Variants in PLEKHG3 observed in about 807,000 individuals in gnomAD.
The protein encoded by PLEKHG3 is pleckstrin homology domain-containing family G member 3.
Under a neutral mutation model 94.9 loss-of-function variants are expected in PLEKHG3, and 62 were observed. The observed-to-expected ratio is 0.65, with a 90% CI of 0.53 to 0.81. PLEKHG3 has a LOEUF of 0.81. PLEKHG3 is among the 30% of genes least tolerant of loss of function. The pLI is 0.00. For synonymous variants in PLEKHG3, 614 were observed against 654.0 expected (o/e 0.94, Z 0.93); for missense variants, 1,461 against 1,619.3 (o/e 0.90, Z 1.68).
In PLEKHG3 at chr14:64,734,812, C is replaced by T. The variant is rs534035016; in HGVS notation, c.1345+1911C>T. ...CTCTACTCACTGCAACCTCTGCCTC[C>T]CGGGTTCAAGTGATTCTCCTGCCTC... On this transcript the variant is annotated intron_variant, in intron 12 of 16. Coordinates refer to ENST00000247226, the MANE Select transcript of PLEKHG3 (RefSeq NM_001308147.2). Among the ~76,000 whole-genome samples, 35 of 151,978 alleles carry T rather than the reference C, an allele frequency of 2.3e-4. No homozygotes were observed. In the East Asian group the frequency reaches 6.8e-3, roughly 29 times the overall value.
rs1055031743 is a variant in PLEKHG3 at position 64,715,670 on chromosome 14, TTCTGAAG to T, written c.-40+10970_-40+10976del. 8.4e-6 allele frequency: 2 copies of T among 238,346 alleles called. No homozygotes were observed. The highest frequency in any genetic ancestry group is 1.1e-4 in the Admixed American group (2 of 18,776). 14.8% of individuals were successfully genotyped at this position (238,346 alleles called of 1,614,324 possible). ...TGTGCTGGTGAATGATCTGGCTTTG[TTCTGAAG>T]TCTTCAGTATTTGATTCCTGCAGTT... On this transcript the variant is annotated intron_variant, in intron 1 of 16. Coordinates refer to ENST00000247226, the MANE Select transcript of PLEKHG3 (RefSeq NM_001308147.2). This position sits in a 1 kb window ranked among gnomAD's most constrained non-coding sequence, Gnocchi z 4.4.
At position 64,743,922 on chromosome 14, in the gene PLEKHG3, C is replaced by A; in HGVS notation, c.*219C>A. On this transcript the variant is annotated 3_prime_UTR_variant, in exon 17 of 17. Transcript: ENST00000247226. This position sits in a 1 kb window ranked among gnomAD's most constrained non-coding sequence, Gnocchi z 7.2. ...GACAATTTCCCACTCACCTGTGAGG[C>A]CGGTGTGGCTGCTTCCCTTGTAAAT... The A allele has an allele frequency of 2.1e-6, 1 of 475,468 alleles. No homozygotes were observed. Among genetic ancestry groups the A allele is most frequent in the Non-Finnish European group, 3.7e-6 (1 of 272,368 alleles). The allele number at this position is 475,468 out of a possible 1,614,324, so 29.5% of individuals were successfully genotyped here.
At position 64,727,451 on chromosome 14, in the gene PLEKHG3, C is replaced by A. The variant is rs2081373605; in HGVS notation, c.-39-142C>A. The A allele has an allele frequency of 1.7e-6, 1 of 582,772 alleles. No individual in the cohort carries two copies. The highest frequency in any genetic ancestry group is 2.8e-5 in the East Asian group (1 of 35,832). The allele number at this position is 582,772 out of a possible 1,614,324, so 36.1% of individuals were successfully genotyped here. On this transcript the variant is annotated intron_variant, in intron 1 of 16. Transcript: ENST00000247226. This position sits in a 1 kb window ranked among gnomAD's most constrained non-coding sequence, Gnocchi z 6.0. ...TGTCATCACTGTCTATCCACAGAAC[C>A]TTTTCATCTTCTAAAACTGAACTCT...
Position 64,748,838 on chromosome 14 carries a change from C to A in PLEKHG3, c.*5135C>A, listed in dbSNP as rs1241444595. The A allele has an allele frequency of 1.2e-5, 2 of 170,866 alleles. No homozygotes were observed. The highest frequency in any genetic ancestry group is 2.5e-5 in the Non-Finnish European group (2 of 81,378). The allele number at this position is 170,866 out of a possible 1,614,324, so 10.6% of individuals were successfully genotyped here. ...TGCATTTCCAGTGTCTTCTTCCTTTCCCCTTTCCCTGGCTGCCACCAGGTG... is the reference window on the plus strand; with the variant it reads ...TGCATTTCCAGTGTCTTCTTCCTTTACCCTTTCCCTGGCTGCCACCAGGTG... On this transcript the variant is annotated 3_prime_UTR_variant, in exon 17 of 17. Coordinates refer to ENST00000247226, the MANE Select transcript of PLEKHG3 (RefSeq NM_001308147.2).
rs2081797398 is a variant in PLEKHG3 at position 64,744,687 on chromosome 14, G to GT, written c.*989dup. ...AGGGAGGTGGTGAGGTGGATAGACT[G>GT]TTTTTCTCATAAGCAGATGCTCCCA... On this transcript the variant is annotated 3_prime_UTR_variant, in exon 17 of 17. Coordinates refer to ENST00000247226, the MANE Select transcript of PLEKHG3 (RefSeq NM_001308147.2). The GT allele has an allele frequency of 6.6e-6, 1 of 151,406 alleles. No homozygotes were observed. Among genetic ancestry groups the GT allele is most frequent in the South Asian group, 2.1e-4 (1 of 4,808 alleles). 9.4% of individuals were successfully genotyped at this position (151,406 alleles called of 1,614,324 possible).
At chr14:64,734,425 T>A (rs988066436) in intron 12 of PLEKHG3, among the ~76,000 whole-genome samples, 2 of 152,226 alleles carry the variant, frequency 1.3e-5, no homozygotes, top group African/African-American at 4.8e-5. Flanking sequence ...TATCCTAGTG[T>A]TAGCATCGAA....
chr14:64,737,516 G>T, intron 14 of PLEKHG3, 141 bp downstream of exon 14: 1 of 638,760 alleles, frequency 1.6e-6, no homozygotes, highest in Middle Eastern at 2.6e-4. Context: ...AGGCTGTGTG[G>T]CTTAGGGCCA....
rs2081159428 is a variant in PLEKHG3, at chr14:64,716,492, ACACAACACACACACACACACAC to A, written c.-39-11100_-39-11079del. 1.1e-5 allele frequency among the ~76,000 whole-genome samples: 1 copy of A among 92,744 alleles called. No individual in the cohort carries two copies. Among genetic ancestry groups the A allele is most frequent in the African/African-American group, 4.1e-5 (1 of 24,126 alleles). The allele number at this position is 92,744 out of a possible 152,430, so 60.8% of individuals were successfully genotyped here. A position where few individuals can be genotyped will look rare whatever the true frequency, so the allele number is the denominator to read the frequency against. On this transcript the variant is annotated intron_variant, in intron 1 of 16. Coordinates refer to ENST00000247226, the MANE Select transcript of PLEKHG3 (RefSeq NM_001308147.2). The surrounding 1 kb of genome is among the most constrained non-coding windows in gnomAD (Gnocchi z 5.0). ...ACACACACACACACAACACACACACACACAACACACACACACACACACACACACACACACACACACACACACA... is the reference window on the plus strand; with the variant it reads ...ACACACACACACACAACACACACACAACACACACACACACACACACACACA...
At position 64,731,734 on chromosome 14, in the gene PLEKHG3, C is replaced by G. The variant is rs559911740; in HGVS notation, c.1053C>G (p.Ile351Met). Residue 351 changes from isoleucine (I) to methionine (M), a missense_variant, in exon 9 of 17, where the codon ATC becomes ATG. Around this residue, in one of 3 missense-constraint regions of PLEKHG3, gnomAD observed 1,201 missense variants for 1,295.5 expected, o/e 0.93. Coordinates refer to ENST00000247226, the MANE Select transcript of PLEKHG3 (RefSeq NM_001308147.2). The surrounding 1 kb of genome is among the most constrained non-coding windows in gnomAD (Gnocchi z 6.1). Reference protein sequence around the residue: ...GNIPCSSLMLIESTRDSLCFT... With the variant: ...GNIPCSSLMLMESTRDSLCFT... Reference sequence around the variant, plus strand: ...CCTAGTGCTCCTCCCTGATGCTGATCGAAAGCACCAGAGACTCCCTGTGCT... The same window carrying G: ...CCTAGTGCTCCTCCCTGATGCTGATGGAAAGCACCAGAGACTCCCTGTGCT... 1.2e-6 allele frequency: 2 copies of G among 1,613,054 alleles called. No homozygotes were observed. The highest frequency in any genetic ancestry group is 1.3e-5 in the African/African-American group (1 of 74,952).
chr14:64,742,319 C>T lies in PLEKHG3; in HGVS notation c.2802C>T (p.Ser934=), dbSNP rs7160218. Reference sequence around the variant, plus strand: ...TCTACCAGCTGGCCCGCCAGTACAGCCTCCGGATCAAGAGCAACAAGCCAG... The same window carrying T: ...TCTACCAGCTGGCCCGCCAGTACAGTCTCCGGATCAAGAGCAACAAGCCAG... ...NKVYQLARQY[S]LRIKSNKPVM... Residue 934 remains serine (S), a synonymous_variant, in exon 16 of 17, where the codon AGC becomes AGT. Coordinates refer to ENST00000247226, the MANE Select transcript of PLEKHG3 (RefSeq NM_001308147.2). 1 of 1,612,938 alleles carries T rather than the reference C, an allele frequency of 6.2e-7. No homozygotes were observed. Among genetic ancestry groups the T allele is most frequent in the African/African-American group, 1.3e-5 (1 of 74,934 alleles).
rs781157266 is a variant in PLEKHG3 at position 64,739,371 on chromosome 14, C to T, written c.1518+516C>T. Among the ~76,000 whole-genome samples, 18 of 152,320 alleles carry T rather than the reference C, an allele frequency of 1.2e-4. 1 individual carries two copies. Among genetic ancestry groups the T allele is most frequent in the South Asian group, 6.2e-4 (3 of 4,824 alleles). On this transcript the variant is annotated intron_variant, in intron 15 of 16. Coordinates refer to ENST00000247226, the MANE Select transcript of PLEKHG3 (RefSeq NM_001308147.2). This position sits in a 1 kb window ranked among gnomAD's most constrained non-coding sequence, Gnocchi z 4.1. ...GCCTAACACTGAGCAGCTTCTGAGG[C>T]GCGGGGCTGAGATCAGACCTGGGGC...
Position 64,743,070 on chromosome 14 carries a change from G to C in PLEKHG3, c.3027G>C (p.Glu1009Asp). 1 of 1,613,154 alleles carries C rather than the reference G, an allele frequency of 6.2e-7. No homozygotes were observed. Among genetic ancestry groups the C allele is most frequent in the South Asian group, 1.1e-5 (1 of 91,092 alleles). Residue 1009 changes from glutamate to aspartate, a missense_variant, in exon 17 of 17, where the codon GAG becomes GAC. Glu to Asp is a conservative substitution (Grantham distance 45). Around this residue, in one of 3 missense-constraint regions of PLEKHG3, gnomAD observed 1,201 missense variants for 1,295.5 expected, o/e 0.93. Coordinates refer to ENST00000247226, the MANE Select transcript of PLEKHG3 (RefSeq NM_001308147.2). The surrounding 1 kb of genome is among the most constrained non-coding windows in gnomAD (Gnocchi z 7.2). ...HSPPKPSSAG[E>D]MSPQRFFFNP... is the part of the protein sequence containing the mutation. ...CTCCCAAGCCCTCCTCGGCTGGGGA[G>C]ATGTCACCACAGCGTTTCTTCTTCA...
rs190325209 is a variant in PLEKHG3, at chr14:64,726,480, T to A, written c.-39-1113T>A. 4.8e-3 allele frequency among the ~76,000 whole-genome samples: 724 copies of A among 152,242 alleles called. 2 individuals are homozygous for A. Among genetic ancestry groups the A allele is most frequent in the Non-Finnish European group, 8.8e-3 (600 of 67,982 alleles). On this transcript the variant is annotated intron_variant, in intron 1 of 16. Coordinates refer to ENST00000247226, the MANE Select transcript of PLEKHG3 (RefSeq NM_001308147.2). The surrounding 1 kb of genome is among the most constrained non-coding windows in gnomAD (Gnocchi z 5.1). ...ATTGGTGAGCTCTAAGGGGTGGGCA[T>A]GGGTGTTGCATGGGTGTCCCTGTCC... is the stretch of plus-strand genomic sequence containing the variant.
At chr14:64,712,629 A>G (rs926543748) in intron 1 of PLEKHG3, among the ~76,000 whole-genome samples, 2 of 152,234 alleles carry the variant, frequency 1.3e-5, no homozygotes, top group African/African-American at 4.8e-5. Context: ...TTGCTAGTGT[A>G]CAGGAATAAA....
rs1254226875 is a variant in PLEKHG3 at position 64,715,155 on chromosome 14, A to G, written c.-40+10451A>G. ...GAGTTATGAATTCCCAGGTGACTCT[A>G]TTTGGCTCCTTTCTGAGGTTGCCCC... On this transcript the variant is annotated intron_variant, in intron 1 of 16. Coordinates refer to ENST00000247226, the MANE Select transcript of PLEKHG3 (RefSeq NM_001308147.2). The surrounding 1 kb of genome is among the most constrained non-coding windows in gnomAD (Gnocchi z 4.4). Among the ~76,000 whole-genome samples the G allele has an allele frequency of 1.3e-5, 2 of 152,172 alleles. No individual in the cohort carries two copies. Among genetic ancestry groups the G allele is most frequent in the Non-Finnish European group, 2.9e-5 (2 of 68,036 alleles).
Position 64,737,018 on chromosome 14 carries a change from G to T in PLEKHG3, c.1384+127G>T. ...GTCAGAATAGTGTAGAGGGAACTCT[G>T]CCTCCATTCCCCCCAGAAGAGGGCC... On this transcript the variant is annotated intron_variant, in intron 13 of 16. Transcript: ENST00000247226. 3 of 786,990 alleles carry T rather than the reference G, an allele frequency of 3.8e-6. No individual in the cohort carries two copies. The South Asian group carries it at 4.3e-5, about 11-fold the overall frequency. The allele number at this position is 786,990 out of a possible 1,614,324, so 48.8% of individuals were successfully genotyped here.
chr14:64,710,145 T>G (rs1237258744), intron 1 of PLEKHG3, among the ~76,000 whole-genome samples: 1 of 152,202 alleles, frequency 6.6e-6, no homozygotes, highest in Admixed American at 6.5e-5. Context: ...TTTATAGCGT[T>G]GGATATAGTT....
At chr14:64,706,173 AT>A (rs1388358222) in intron 1 of PLEKHG3, among the ~76,000 whole-genome samples, 1 of 152,226 alleles carries the variant, frequency 6.6e-6, no homozygotes, top group East Asian at 1.9e-4. Context: ...GCACGGGTTT[AT>A]GCCTGAGTTT....
Position 64,748,526 on chromosome 14 carries a change from TC to T in PLEKHG3, c.*4825del, listed in dbSNP as rs1195914859. 1 of 152,332 alleles carries T rather than the reference TC, an allele frequency of 6.6e-6. No individual in the cohort carries two copies. Among genetic ancestry groups the T allele is most frequent in the East Asian group, 1.9e-4 (1 of 5,190 alleles). The allele number at this position is 152,332 out of a possible 1,614,324, so 9.4% of individuals were successfully genotyped here. A position where few individuals can be genotyped will look rare whatever the true frequency, so the allele number is the denominator to read the frequency against. On this transcript the variant is annotated 3_prime_UTR_variant, in exon 17 of 17. Transcript: ENST00000247226. ...AGGAATGGTCTGACCTTGCTGCCCT[TC>T]CTGGGACCGCCTGTGGTGGCACAAA...
Sources: allele counts gnomAD v4.1 joint callset (sites outside exome capture counted in the v4.1 genomes callset), GRCh38; gene constraint gnomAD v4.1.1; regional missense constraint gnomAD v4.1.1; non-coding constraint Gnocchi (gnomAD v3.1); transcripts MANE v1.5; gene names NCBI Gene and HGNC (gene_info 2026-07-23, HGNC 2026-07-21).